Variants in PCDHGB6 observed in about 807,000 individuals in gnomAD.
The protein encoded by PCDHGB6 is protocadherin gamma subfamily B, 6.
PCDHGB6 carries 51 observed loss-of-function variants against 59.1 expected under a neutral mutation model. The ratio of observed to expected loss-of-function variants is 0.86; its 90% CI spans 0.69 to 1.09. The LOEUF is 1.09. PCDHGB6 is among the 50% of genes least tolerant of loss of function. The pLI is 0.00. For synonymous variants in PCDHGB6, 466 were observed against 495.1 expected (o/e 0.94, Z 0.78); for missense variants, 1,148 against 1,205.1 (o/e 0.95, Z 0.70).
intron 1 of PCDHGB6, among the ~76,000 whole-genome samples, chr5:141,439,251 A>G (rs1467023466): frequency 6.6e-6 from 1 of 152,112 alleles, no homozygotes; most frequent in Non-Finnish European, 1.5e-5. Context: ...ATTTCAGCTG[A>G]AGATTCAGCC....
chr5:141,448,565 AT>A (rs2098595794), intron 1 of PCDHGB6, among the ~76,000 whole-genome samples: 1 of 152,070 alleles, frequency 6.6e-6, no homozygotes, highest in Non-Finnish European at 1.5e-5. Flanking sequence ...ATATATTTTT[AT>A]TTCCCCATTT....
chr5:141,476,346 T>G lies in PCDHGB6; in HGVS notation c.2419-18461T>G, dbSNP rs1239836597. On this transcript the variant is annotated intron_variant, in intron 1 of 3. Coordinates refer to ENST00000520790, the MANE Select transcript of PCDHGB6 (RefSeq NM_018926.3). The surrounding 1 kb of genome is among the most constrained non-coding windows in gnomAD (Gnocchi z 7.6). The stretch of plus-strand genomic sequence containing the variant: ...GTGTCTGGAGCTAGCCGAAGATTCT[T>G]TGAGGTGAACCGGGAGACCGGAGAG... 2.5e-6 allele frequency: 4 copies of G among 1,613,932 alleles called. No individual in the cohort carries two copies. Among genetic ancestry groups the G allele is most frequent in the Non-Finnish European group, 3.4e-6 (4 of 1,180,022 alleles).
rs781336795 is a variant in PCDHGB6, at chr5:141,477,936, C to T, written c.2419-16871C>T. Reference sequence around the variant, plus strand: ...GATGCAGGGCACAATGCCTGGCTCTCCTACAGTCTCTTGGGATCCCCTAAC... The same window carrying T: ...GATGCAGGGCACAATGCCTGGCTCTTCTACAGTCTCTTGGGATCCCCTAAC... On this transcript the variant is annotated intron_variant, in intron 1 of 3. Transcript: ENST00000520790. This position sits in a 1 kb window ranked among gnomAD's most constrained non-coding sequence, Gnocchi z 4.9. 1.2e-6 allele frequency: 2 copies of T among 1,614,170 alleles called. No homozygotes were observed. The highest frequency in any genetic ancestry group is 1.1e-5 in the South Asian group (1 of 91,088).
intron 1 of PCDHGB6, chr5:141,422,419 A>G (rs1318381358): frequency 8.7e-6 from 14 of 1,607,158 alleles, no homozygotes; most frequent in Non-Finnish European, 1.2e-5. Context: ...ATTAGAAAAG[A>G]CTTATGGAAA....
At chr5:141,420,301 C>CT (rs768732518) in intron 1 of PCDHGB6, 1 of 1,462,190 alleles carries the variant, frequency 6.8e-7, no homozygotes, top group African/African-American at 1.4e-5. Flanking sequence ...GTATTTAATC[C>CT]TTTTTATATT....
chr5:141,464,306 A>G (rs1438401635), intron 1 of PCDHGB6, among the ~76,000 whole-genome samples: 3 of 150,952 alleles, frequency 2.0e-5, no homozygotes. Context: ...TTGTATGTGC[A>G]CATATCATTA....
chr5:141,414,222 A>G lies in PCDHGB6; in HGVS notation c.2418+3602A>G, dbSNP rs1038407271. 3.7e-6 allele frequency: 6 copies of G among 1,613,316 alleles called. No individual in the cohort carries two copies. The African/African-American group carries it at 5.3e-5, about 14-fold the overall frequency. On this transcript the variant is annotated intron_variant, in intron 1 of 3. Coordinates refer to ENST00000520790, the MANE Select transcript of PCDHGB6 (RefSeq NM_018926.3). ...TAGAAGATGTAAATGACAACAGTCC[A>G]GAGCTGACCATCACGTCTCTATTTA...
intron 1 of PCDHGB6, among the ~76,000 whole-genome samples, chr5:141,438,606 A>G: frequency 3.6e-5 from 1 of 27,780 alleles, no homozygotes; most frequent in African/African-American, 2.7e-4. Flanking sequence ...ATATATATAT[A>G]TATATATATA....
At chr5:141,465,323 G>A (rs757662972) in intron 1 of PCDHGB6, among the ~76,000 whole-genome samples, 1 of 152,138 alleles carries the variant, frequency 6.6e-6, no homozygotes, top group Non-Finnish European at 1.5e-5. Flanking sequence ...TGTCAATGCA[G>A]TATTTTTTAT....
At chr5:141,413,089 C>A in intron 1 of PCDHGB6, 1 of 1,401,120 alleles carries the variant, frequency 7.1e-7, no homozygotes, top group Non-Finnish European at 9.7e-7. Context: ...TACAGAGACA[C>A]CCTGAAGCCA....
chr5:141,444,282 C>T (rs1341316344), intron 1 of PCDHGB6, among the ~76,000 whole-genome samples: 1 of 148,268 alleles, frequency 6.7e-6, no homozygotes, highest in African/African-American at 2.5e-5. Flanking sequence ...AGTGATTCTC[C>T]TGCCTCAGCC....
At chr5:141,430,841 T>C (rs757539834) in intron 1 of PCDHGB6, 1 of 1,566,462 alleles carries the variant, frequency 6.4e-7, no homozygotes, top group South Asian at 1.2e-5. Flanking sequence ...GGAGACCGGA[T>C]GCACCCAGAT....
rs1474849292 is a variant in PCDHGB6 at position 141,454,205 on chromosome 5, G to T, written c.2419-40602G>T. Among the ~76,000 whole-genome samples, 3 of 152,154 alleles carry T rather than the reference G, an allele frequency of 2.0e-5. No individual in the cohort carries two copies. The East Asian group carries it at 5.8e-4, about 29-fold the overall frequency. ...GGAGCTTAGTGAAGGTGAATTTATT[G>T]ACATGAATGAGAAAAGTAATTGTGA... On this transcript the variant is annotated intron_variant, in intron 1 of 3. Coordinates refer to ENST00000520790, the MANE Select transcript of PCDHGB6 (RefSeq NM_018926.3).
At chr5:141,470,648 C>T (rs1188305813) in intron 1 of PCDHGB6, among the ~76,000 whole-genome samples, 1 of 152,066 alleles carries the variant, frequency 6.6e-6, no homozygotes, top group Non-Finnish European at 1.5e-5. Context: ...TTTGAAGGCC[C>T]CTACCCTTTG....
At chr5:141,415,274 C>T (rs775112066) in intron 1 of PCDHGB6, 19 of 1,614,086 alleles carry the variant, frequency 1.2e-5, no homozygotes, top group Admixed American at 1.0e-4. Context: ...CTGGTGGTAG[C>T]GGTGGCCGCG....
chr5:141,438,619 TATATATATATATATATACAC>T (rs1310378007), intron 1 of PCDHGB6, among the ~76,000 whole-genome samples: 16 of 39,678 alleles, frequency 4.0e-4, no homozygotes, highest in African/African-American at 1.2e-3. Flanking sequence ...TATATATATA[TATATATATATATATATACAC>T]ACACACACAC....
intron 1 of PCDHGB6, chr5:141,419,822 T>A: frequency 6.2e-7 from 1 of 1,614,058 alleles, no homozygotes; most frequent in Non-Finnish European, 8.5e-7. Flanking sequence ...GCCACCCCTT[T>A]CAGCCACTGC....
intron 1 of PCDHGB6, chr5:141,428,257 G>A: frequency 1.2e-6 from 1 of 865,864 alleles, no homozygotes; most frequent in Non-Finnish European, 1.9e-6. Context: ...AGACTTCAGT[G>A]ACAGTCCTGT....
chr5:141,415,123 G>A (rs1349224471), intron 1 of PCDHGB6: 3 of 1,613,540 alleles, frequency 1.9e-6, no homozygotes, highest in African/African-American at 1.3e-5. Context: ...CGTAGTGGCC[G>A]TCCAGGACCA....
Sources: allele counts gnomAD v4.1 joint callset (sites outside exome capture counted in the v4.1 genomes callset), GRCh38; gene constraint gnomAD v4.1.1; non-coding constraint Gnocchi (gnomAD v3.1); transcripts MANE v1.5; gene names NCBI Gene and HGNC (gene_info 2026-07-23, HGNC 2026-07-21).